Variants in WASL observed in about 807,000 individuals in gnomAD.
The protein encoded by WASL is actin nucleation-promoting factor WASL.
A neutral mutation model predicts 55.5 loss-of-function variants in WASL; 20 were observed. That is an observed-to-expected ratio of 0.36 (90% confidence interval 0.25 to 0.52). The LOEUF (loss-of-function observed/expected upper bound fraction) is 0.52, where lower values mean the gene tolerates loss of function less well. Among genes scored for constraint, WASL ranks in the 20% least tolerant of loss-of-function variants. The pLI, the probability that WASL is intolerant of heterozygous loss-of-function variation, is 0.92. For synonymous variants in WASL, 249 were observed against 217.6 expected (o/e 1.14, Z -1.27); for missense variants, 504 against 622.5 (o/e 0.81, Z 2.03).
intron 1 of WASL, among the ~76,000 whole-genome samples, chr7:123,736,249 A>G (rs1476775939): frequency 2.0e-5 from 3 of 152,178 alleles, no homozygotes; most frequent in Non-Finnish European, 2.9e-5. Flanking sequence ...TATAAGTAGA[A>G]GACCTGCATT....
chr7:123,696,710 A>AT lies in WASL; in HGVS notation c.497dup (p.Asn166LysfsTer8). ...AAAATCTATTTGTTGTGATTTCTGGATTTTTTATATCAACTGTAGCCATGG... is the reference window on the plus strand; with the variant it reads ...AAAATCTATTTGTTGTGATTTCTGGATTTTTTTATATCAACTGTAGCCATGG... On this transcript the variant is annotated frameshift_variant, in exon 6 of 11. Coordinates refer to ENST00000223023, the MANE Select transcript of WASL (RefSeq NM_003941.4). LOFTEE classifies it high-confidence loss of function. 1 of 1,598,480 alleles carries AT rather than the reference A, an allele frequency of 6.3e-7. No homozygotes were observed. The highest frequency in any genetic ancestry group is 8.5e-7 in the Non-Finnish European group (1 of 1,172,458).
intron 1 of WASL, among the ~76,000 whole-genome samples, chr7:123,717,190 A>T (rs1463698977): frequency 6.6e-6 from 1 of 152,158 alleles, no homozygotes; most frequent in South Asian, 2.1e-4. Flanking sequence ...CTGGTGCATG[A>T]GAAAAAAAAA....
intron 1 of WASL, among the ~76,000 whole-genome samples, chr7:123,711,767 G>A (rs148456083): frequency 1.4e-3 from 207 of 151,890 alleles, no homozygotes; most frequent in Middle Eastern, 3.4e-3. Flanking sequence ...CTTGTCTTTC[G>A]TAATTAAGAA....
Position 123,743,657 on chromosome 7 carries a change from G to C in WASL, c.117+4961C>G, listed in dbSNP as rs574264453. On this transcript the variant is annotated intron_variant, in intron 1 of 10. Transcript: ENST00000223023. ...GGAAATCTAAACTGAGCACTGAATA[G>C]TATTCATAACAACTTTCTTTCATAT... is the stretch of plus-strand genomic sequence containing the variant. Among the ~76,000 whole-genome samples, 6 of 152,272 alleles carry C rather than the reference G, an allele frequency of 3.9e-5. No homozygotes were observed. In the East Asian group the frequency reaches 1.2e-3, roughly 29 times the overall value.
intron 1 of WASL, among the ~76,000 whole-genome samples, chr7:123,721,632 T>A (rs1183074150): frequency 1.3e-5 from 2 of 152,184 alleles, no homozygotes; most frequent in East Asian, 3.9e-4. Flanking sequence ...ATTCACAATT[T>A]AAGAGACTTA....
At chr7:123,712,745 C>CA (rs1803778594) in intron 1 of WASL, among the ~76,000 whole-genome samples, 2 of 152,146 alleles carry the variant, frequency 1.3e-5, no homozygotes, top group Non-Finnish European at 2.9e-5. Context: ...ATATGTTAGC[C>CA]ACTGCTGCAA....
At chr7:123,694,351 G>A (rs971225667) in intron 8 of WASL, among the ~76,000 whole-genome samples, 25 of 152,120 alleles carry the variant, frequency 1.6e-4, no homozygotes, top group East Asian at 1.5e-3. Flanking sequence ...CTGGAAATGC[G>A]TATATTACTA....
rs1269015377 is a variant in WASL at position 123,683,259 on chromosome 7, A to T, written c.*1260T>A. On this transcript the variant is annotated 3_prime_UTR_variant, in exon 11 of 11. Transcript: ENST00000223023. ...GTAGGTATGATAATTAGCATTATAA[A>T]TATGAAACAACCACCTTTAGGCAGA... is the stretch of plus-strand genomic sequence containing the variant. 1 of 152,114 alleles carries T rather than the reference A, an allele frequency of 6.6e-6. No individual in the cohort carries two copies. The highest frequency in any genetic ancestry group is 2.4e-5 in the African/African-American group (1 of 41,444). 9.4% of individuals were successfully genotyped at this position (152,114 alleles called of 1,614,324 possible).
intron 9 of WASL, among the ~76,000 whole-genome samples, chr7:123,689,596 T>C (rs1454239127): frequency 1.3e-5 from 2 of 152,158 alleles, no homozygotes; most frequent in East Asian, 3.9e-4. Context: ...GAAACTTATA[T>C]TTGCCTACAA....
chr7:123,730,894 G>T (rs558736895), intron 1 of WASL, among the ~76,000 whole-genome samples: 1 of 152,162 alleles, frequency 6.6e-6, no homozygotes, highest in East Asian at 1.9e-4. Context: ...GGTAATTGTC[G>T]CCCAGGTAAT....
intron 10 of WASL, 52 bp downstream of exon 10, chr7:123,688,989 AC>A: frequency 1.4e-6 from 2 of 1,420,288 alleles, no homozygotes; most frequent in Admixed American, 3.5e-5. Flanking sequence ...TATTAAACAC[AC>A]ACGCACACTC....
rs1208038990 is a variant in WASL at position 123,705,486 on chromosome 7, CTT to C, written c.436+789_436+790del. The stretch of plus-strand genomic sequence containing the variant: ...AGATGTGTCAGTACTGAAGAAAAAA[CTT>C]TGAGAGTCATTGGCATACAGTTTTT... On this transcript the variant is annotated intron_variant, in intron 4 of 10. Transcript: ENST00000223023. Among the ~76,000 whole-genome samples the C allele has an allele frequency of 4.6e-5, 7 of 152,254 alleles. No homozygotes were observed. In the South Asian group the frequency reaches 1.5e-3, roughly 32 times the overall value.
At chr7:123,733,050 T>A (rs1804167332) in intron 1 of WASL, among the ~76,000 whole-genome samples, 1 of 152,206 alleles carries the variant, frequency 6.6e-6, no homozygotes, top group African/African-American at 2.4e-5. Context: ...AACCTGCAGC[T>A]AACCCCATAC....
intron 1 of WASL, among the ~76,000 whole-genome samples, chr7:123,744,432 C>T (rs1804396377): frequency 6.6e-6 from 1 of 151,832 alleles, no homozygotes; most frequent in Non-Finnish European, 1.5e-5. Flanking sequence ...TAGAAGACTA[C>T]CTAGGCATAA....
chr7:123,683,774 TC>T lies in WASL; in HGVS notation c.*744del, dbSNP rs1041302586. On this transcript the variant is annotated 3_prime_UTR_variant, in exon 11 of 11. Coordinates refer to ENST00000223023, the MANE Select transcript of WASL (RefSeq NM_003941.4). ...TTTCAGAGTAATACCAAAAAAATTT[TC>T]AAAAATTTTGCTAAAAAGAGCCTGT... The T allele has an allele frequency of 6.6e-5, 10 of 152,132 alleles. No homozygotes were observed. The highest frequency in any genetic ancestry group is 2.4e-4 in the African/African-American group (10 of 41,560). 9.4% of individuals were successfully genotyped at this position (152,132 alleles called of 1,614,324 possible).
intron 1 of WASL, among the ~76,000 whole-genome samples, chr7:123,713,098 A>C (rs1448974145): frequency 6.6e-6 from 1 of 152,182 alleles, no homozygotes; most frequent in African/African-American, 2.4e-5. Flanking sequence ...AATAACTAAA[A>C]TTATTTTAAT....
chr7:123,700,566 G>A (rs1264212934), intron 5 of WASL, among the ~76,000 whole-genome samples: 2 of 151,850 alleles, frequency 1.3e-5, no homozygotes, highest in Non-Finnish European at 2.9e-5. Flanking sequence ...CAGCCTCCCA[G>A]GTGGCTGGGA....
chr7:123,717,283 TA>T (rs1320323453), intron 1 of WASL, among the ~76,000 whole-genome samples: 2 of 152,134 alleles, frequency 1.3e-5, no homozygotes, highest in Non-Finnish European at 2.9e-5. Flanking sequence ...TGAAGCTAAT[TA>T]GGTTTAAGTT....
chr7:123,695,106 C>T (rs1238042100), intron 7 of WASL, among the ~76,000 whole-genome samples: 1 of 152,022 alleles, frequency 6.6e-6, no homozygotes, highest in Non-Finnish European at 1.5e-5. Context: ...TTTCTATTAG[C>T]CTATTCATGA....
Sources: gnomAD v4.1 joint callset for allele counts (sites outside exome capture counted in the v4.1 genomes callset) on GRCh38, gnomAD v4.1.1 for gene constraint, MANE v1.5 for transcripts, NCBI Gene and HGNC (gene_info 2026-07-23, HGNC 2026-07-21) for gene names.